SPICE1: variants seen among roughly 807,000 people sequenced by gnomAD.
SPICE1 encodes the protein spindle and centriole-associated protein 1.
In SPICE1, 75 loss-of-function variants were observed where a neutral mutation model predicts 102.7. The observed-to-expected ratio is 0.73, with a 90% CI of 0.61 to 0.88. The LOEUF is 0.88. Ranked by LOEUF, SPICE1 falls within the 40% of genes least tolerant of loss-of-function variation. The pLI is 0.00. For synonymous variants in SPICE1, 308 were observed against 350.3 expected (o/e 0.88, Z 1.35); for missense variants, 979 against 1,020.1 (o/e 0.96, Z 0.55).
In SPICE1 at chr3:113,465,768, C is replaced by G; in HGVS notation, c.1172G>C (p.Arg391Pro). 2 of 1,613,118 alleles carry G rather than the reference C, an allele frequency of 1.2e-6. No homozygotes were observed. The highest frequency in any genetic ancestry group is 1.7e-6 in the Non-Finnish European group (2 of 1,179,644). The change falls in exon 11 of 18, where the codon CGT (arginine) becomes CCT (proline). Residue 391 changes from arginine (R) to proline (P), a missense_variant. Arg to Pro is a moderately radical substitution (Grantham distance 103). Transcript: ENST00000295872. ...TTGTTGCCTTGTCTCTACTTCTTTA[C>G]GTAGCTGGATCTCACTCTACAAAAA... The part of the protein sequence containing the change: ...RYLKESEIQL[R>P]KEVETRQQLE...
At chr3:113,501,974 C>A (rs1576648407) in intron 3 of SPICE1, among the ~76,000 whole-genome samples, 1 of 152,148 alleles carries the variant, frequency 6.6e-6, no homozygotes, top group Non-Finnish European at 1.5e-5. Context: ...CAGCATTATA[C>A]CTAACAATGC....
intron 7 of SPICE1, among the ~76,000 whole-genome samples, chr3:113,475,031 T>G (rs1367882915): frequency 2.0e-5 from 3 of 152,014 alleles, no homozygotes; most frequent in East Asian, 1.9e-4. Flanking sequence ...ATTGATAGAC[T>G]GCTAGCAAGA....
intron 4 of SPICE1, among the ~76,000 whole-genome samples, chr3:113,495,137 C>T (rs111341567): frequency 5.3e-5 from 8 of 152,262 alleles, no homozygotes; most frequent in Non-Finnish European, 8.8e-5. Flanking sequence ...GCACTTTCAA[C>T]TTAGGAACTT....
At chr3:113,471,875 T>G (rs1418136252) in intron 7 of SPICE1, among the ~76,000 whole-genome samples, 2 of 151,980 alleles carry the variant, frequency 1.3e-5, no homozygotes, top group Non-Finnish European at 2.9e-5. Flanking sequence ...AGAAGATGGG[T>G]GATTTCTGCA....
chr3:113,474,894 C>A (rs887836151), intron 7 of SPICE1, among the ~76,000 whole-genome samples: 37 of 152,072 alleles, frequency 2.4e-4, no homozygotes, highest in Middle Eastern at 6.8e-3. Context: ...AAAGCAAACA[C>A]ATTCAAAAGC....
At position 113,509,257 on chromosome 3, in the gene SPICE1, T is replaced by C. The variant is rs555777505; in HGVS notation, c.1-2652A>G. ...TCAATAAAGCTGTTATTTTAAAAGA[T>C]AGGAAAACAATAGTTATTCAAAGAC... On this transcript the variant is annotated intron_variant, in intron 1 of 17. Coordinates refer to ENST00000295872, the MANE Select transcript of SPICE1 (RefSeq NM_144718.4). Among the ~76,000 whole-genome samples, 9 of 152,316 alleles carry C rather than the reference T, an allele frequency of 5.9e-5. No homozygotes were observed. In the East Asian group the frequency reaches 1.3e-3, roughly 23 times the overall value.
In SPICE1 at chr3:113,514,715, T is replaced by C. The variant is rs1412974833; in HGVS notation, c.-1+182A>G. The C allele has an allele frequency of 4.9e-6, 6 of 1,236,258 alleles. No homozygotes were observed. The South Asian group carries it at 6.2e-5, about 13-fold the overall frequency. 76.6% of individuals were successfully genotyped at this position (1,236,258 alleles called of 1,614,324 possible). A position where few individuals can be genotyped will look rare whatever the true frequency, so the allele number is the denominator to read the frequency against. On this transcript the variant is annotated intron_variant, in intron 1 of 17. Transcript: ENST00000295872. ...CCATCGATTTAAATGACGCTCCCGG[T>C]CCCAAAGCACCCTGGATAGTTTGCC...
At position 113,468,294 on chromosome 3, in the gene SPICE1, G is replaced by T. The variant is rs1936110452; in HGVS notation, c.1000C>A (p.Leu334Ile). 1 of 1,614,016 alleles carries T rather than the reference G, an allele frequency of 6.2e-7. No individual in the cohort carries two copies. The highest frequency in any genetic ancestry group is 8.5e-7 in the Non-Finnish European group (1 of 1,180,034). ...TCCACTTCATGTATCATGTGTTTGA[G>T]GACATCCAGGTTGGAATTAGTCCTA... is the stretch of plus-strand genomic sequence containing the variant. ...PNRTNSNLDV[L>I]KHMIHEVEHE... Residue 334 changes from leucine to isoleucine, a missense_variant, in exon 10 of 18, where the codon CTC becomes ATC. Leu to Ile is a conservative substitution (Grantham distance 5). Transcript: ENST00000295872.
At chr3:113,452,607 C>T (rs1191115462) in intron 14 of SPICE1, among the ~76,000 whole-genome samples, 1 of 151,824 alleles carries the variant, frequency 6.6e-6, no homozygotes, top group Non-Finnish European at 1.5e-5. Context: ...TCGCTTGAAC[C>T]CAGGAGGTGG....
At chr3:113,480,936 A>AAAGAAAGAAAGAAAGAAAGAAAGG (rs1439355282) in intron 7 of SPICE1, among the ~76,000 whole-genome samples, 26 of 26,208 alleles carry the variant, frequency 9.9e-4, no homozygotes, top group Middle Eastern at 0.019. Context: ...AAGAAAAAAG[A>AAAGAAAGAAAGAAAGAAAGAAAGG]CCTCAGTACT....
chr3:113,450,523 G>T lies in SPICE1; in HGVS notation c.2143-7C>A. 1 of 1,525,334 alleles carries T rather than the reference G, an allele frequency of 6.6e-7. No individual in the cohort carries two copies. Among genetic ancestry groups the T allele is most frequent in the Non-Finnish European group, 8.8e-7 (1 of 1,138,022 alleles). 94.5% of individuals were successfully genotyped at this position (1,525,334 alleles called of 1,614,324 possible). A position where few individuals can be genotyped will look rare whatever the true frequency, so the allele number is the denominator to read the frequency against. On this transcript the variant is annotated splice_polypyrimidine_tract_variant and splice_region_variant and intron_variant, in intron 14 of 17. Coordinates refer to ENST00000295872, the MANE Select transcript of SPICE1 (RefSeq NM_144718.4). The stretch of plus-strand genomic sequence containing the variant: ...ACTGTGCTACTGGAAAAGTCTTTGG[G>T]AGAAAAAAAAAAAAAGTACAAATTG...
At chr3:113,465,172 G>C (rs1936023581) in intron 11 of SPICE1, among the ~76,000 whole-genome samples, 1 of 151,662 alleles carries the variant, frequency 6.6e-6, no homozygotes, top group Non-Finnish European at 1.5e-5. Context: ...TTCCAGAAGA[G>C]AATGGTGTAA....
chr3:113,453,461 C>G lies in SPICE1; in HGVS notation c.2142+5G>C. On this transcript the variant is annotated splice_donor_5th_base_variant and intron_variant, in intron 14 of 17. Coordinates refer to ENST00000295872, the MANE Select transcript of SPICE1 (RefSeq NM_144718.4). ...GTCCCTAATCAATCCTTAAATGGTA[C>G]TCACAGAAGTCATGTCACTTGCACT... is the stretch of plus-strand genomic sequence containing the variant. 6.3e-7 allele frequency: 1 copy of G among 1,591,056 alleles called. No individual in the cohort carries two copies. The highest frequency in any genetic ancestry group is 1.1e-5 in the South Asian group (1 of 87,650).
intron 7 of SPICE1, among the ~76,000 whole-genome samples, chr3:113,480,933 A>AAGAAAGAAAGAAAGAAAGAAAGAAAGAC (rs1248071483): frequency 6.6e-6 from 1 of 151,814 alleles, no homozygotes; most frequent in African/African-American, 2.4e-5. Context: ...AGAAAGAAAA[A>AAGAAAGAAAGAAAGAAAGAAAGAAAGAC]AGACCTCAGT....
intron 4 of SPICE1, among the ~76,000 whole-genome samples, chr3:113,494,511 G>T (rs935934339): frequency 1.1e-4 from 17 of 151,840 alleles, no homozygotes; most frequent in African/African-American, 3.9e-4. Flanking sequence ...GCCGGGCGTG[G>T]TAGCGGGCGC....
intron 13 of SPICE1, among the ~76,000 whole-genome samples, chr3:113,454,451 A>G (rs551535871): frequency 2.0e-5 from 3 of 152,090 alleles, no homozygotes; most frequent in Non-Finnish European, 2.9e-5. Context: ...GCTCACTCCT[A>G]TAATACCCGC....
At chr3:113,458,693 C>G (rs1278298525) in intron 12 of SPICE1, among the ~76,000 whole-genome samples, 2 of 151,910 alleles carry the variant, frequency 1.3e-5, no homozygotes, top group African/African-American at 4.8e-5. Flanking sequence ...ATGTAAGGAG[C>G]CCCTCTGCCC....
intron 6 of SPICE1, among the ~76,000 whole-genome samples, chr3:113,491,589 C>T (rs1161537954): frequency 2.2e-5 from 3 of 139,108 alleles, no homozygotes; most frequent in African/African-American, 8.3e-5. Flanking sequence ...TGCACCACTG[C>T]ACTCCAGCCT....
intron 2 of SPICE1, among the ~76,000 whole-genome samples, chr3:113,504,571 CAAAAAA>C (rs71633321): frequency 0.28 from 19,204 of 67,576 alleles, 1,297 homozygotes; most frequent in Middle Eastern, 0.34. Flanking sequence ...GACCTTGTCT[CAAAAAA>C]AAAAAAAAAA....
Sources: allele counts gnomAD v4.1 joint callset (sites outside exome capture counted in the v4.1 genomes callset), GRCh38; gene constraint gnomAD v4.1.1; transcripts MANE v1.5; gene names NCBI Gene and HGNC (gene_info 2026-07-23, HGNC 2026-07-21).